Variants in RIPOR2 observed in about 807,000 individuals in gnomAD.
RIPOR2 encodes the protein rho family-interacting cell polarization regulator 2.
A neutral mutation model predicts 114.5 loss-of-function variants in RIPOR2; 39 were observed. The ratio of observed to expected loss-of-function variants is 0.34; its 90% confidence interval spans 0.26 to 0.44. The LOEUF (loss-of-function observed/expected upper bound fraction) is 0.44, where lower values mean the gene tolerates loss of function less well. Ranked by LOEUF, RIPOR2 falls within the 20% of genes least tolerant of loss-of-function variation. The pLI is 1.00. For synonymous variants in RIPOR2, 445 were observed against 484.4 expected (o/e 0.92, Z 1.07); for missense variants, 1,007 against 1,255.1 (o/e 0.80, Z 2.99).
chr6:24,863,608 G>A (rs1174887755), intron 7 of RIPOR2, among the ~76,000 whole-genome samples: 1 of 152,188 alleles, frequency 6.6e-6, no homozygotes. Flanking sequence ...AAGTAGGATG[G>A]GGGAGGGTGG....
intron 9 of RIPOR2, 82 bp from the exon 10 acceptor site, chr6:24,850,804 C>T: frequency 6.8e-7 from 1 of 1,477,636 alleles, no homozygotes; most frequent in Non-Finnish European, 9.4e-7. Context: ...AGGAGAAAGA[C>T]CTAAAGCCAC....
At chr6:24,927,114 T>TCACCACCACCA (rs1561782305) in intron 1 of RIPOR2, among the ~76,000 whole-genome samples, 8 of 4,084 alleles carry the variant, frequency 2.0e-3, no homozygotes, top group Admixed American at 5.2e-3. Flanking sequence ...ACCACCATGA[T>TCACCACCACCA]TATTATAATC....
At chr6:24,877,327 C>A in intron 1 of RIPOR2, 3 of 985,414 alleles carry the variant, frequency 3.0e-6, no homozygotes. Flanking sequence ...CAGGAGAGAG[C>A]AGCCCTGGAG....
chr6:24,962,545 T>C (rs1323476735), intron 1 of RIPOR2, among the ~76,000 whole-genome samples: 2 of 152,240 alleles, frequency 1.3e-5, no homozygotes, highest in African/African-American at 4.8e-5. Context: ...TAGTCTATCC[T>C]TGTATTTAAT....
At chr6:24,996,634 A>G (rs763536858) in intron 1 of RIPOR2, among the ~76,000 whole-genome samples, 23 of 152,200 alleles carry the variant, frequency 1.5e-4, no homozygotes, top group East Asian at 3.9e-4. Flanking sequence ...TGTACTTGAC[A>G]TTTCCAATCA....
chr6:25,036,380 CG>C (rs35611711), intron 1 of RIPOR2, among the ~76,000 whole-genome samples: 4 of 135,836 alleles, frequency 2.9e-5, no homozygotes, highest in South Asian at 4.4e-4. Context: ...CAGAGTTCAA[CG>C]GGTTTTTGTT....
intron 1 of RIPOR2, among the ~76,000 whole-genome samples, chr6:24,973,781 C>A (rs1353819308): frequency 1.3e-5 from 2 of 152,090 alleles, no homozygotes; most frequent in Non-Finnish European, 2.9e-5. Flanking sequence ...AGAATTAAAT[C>A]ATGTCCTTAG....
chr6:25,011,903 C>T (rs146651100), intron 1 of RIPOR2, among the ~76,000 whole-genome samples: 59 of 152,258 alleles, frequency 3.9e-4, no homozygotes, highest in African/African-American at 1.3e-3. Context: ...AAAATCAAAA[C>T]TTCTGTATTT....
chr6:24,984,645 G>A (rs376045969), intron 1 of RIPOR2, among the ~76,000 whole-genome samples: 7 of 20,160 alleles, frequency 3.5e-4, no homozygotes, highest in African/African-American at 1.2e-3. Context: ...GTGAGACCCC[G>A]TCTCTCAAAA....
intron 11 of RIPOR2, among the ~76,000 whole-genome samples, chr6:24,848,653 G>A (rs564676732): frequency 7.9e-5 from 12 of 152,288 alleles, no homozygotes; most frequent in African/African-American, 2.9e-4. Context: ...TCACAATGAT[G>A]CCACTTAACA....
At chr6:24,955,675 G>A (rs1457643139) in intron 1 of RIPOR2, among the ~76,000 whole-genome samples, 9 of 143,686 alleles carry the variant, frequency 6.3e-5, no homozygotes, top group African/African-American at 1.6e-4. Flanking sequence ...CTCTTACTCC[G>A]TCTAAGGTCC....
In RIPOR2 at chr6:24,809,793, A is replaced by G. The variant is rs1395642099; in HGVS notation, c.2967T>C (p.Ile989=). Residue 989 remains isoleucine, a synonymous_variant, in exon 21 of 22, where the codon ATT becomes ATC. Transcript: ENST00000643898. Reference sequence around the variant, plus strand: ...ATTGACACAATGTCACCAGCATTTTAATGCTTTCAGTAGCCTATGGGGGAA... The same window carrying G: ...ATTGACACAATGTCACCAGCATTTTGATGCTTTCAGTAGCCTATGGGGGAA... ...ALKILEATES[I]KMLVTLCQSD... 6.5e-7 allele frequency: 1 copy of G among 1,549,458 alleles called. No individual in the cohort carries two copies. Among genetic ancestry groups the G allele is most frequent in the South Asian group, 1.2e-5 (1 of 84,016 alleles).
chr6:24,841,221 A>G (rs1384893812), intron 13 of RIPOR2, among the ~76,000 whole-genome samples: 1 of 152,204 alleles, frequency 6.6e-6, no homozygotes, highest in Non-Finnish European at 1.5e-5. Flanking sequence ...TTCACTTTAG[A>G]TGGCATCAAT....
rs1776433096 is a variant in RIPOR2 at position 25,023,525 on chromosome 6, G to A, written c.76+18326C>T. The stretch of plus-strand genomic sequence containing the variant: ...ACACTCAGGGCTATGCCAGAAAGCG[G>A]TGTACACCAGCTCAGCAAATTTCAA... On this transcript the variant is annotated intron_variant, in intron 1 of 13. Transcript: ENST00000510784. The A allele has an allele frequency of 1.0e-5, 8 of 772,804 alleles. No homozygotes were observed. The South Asian group carries it at 1.1e-4, about 10-fold the overall frequency. The allele number at this position is 772,804 out of a possible 1,614,324, so 47.9% of individuals were successfully genotyped here.
chr6:24,890,201 T>A (rs1050627549), intron 1 of RIPOR2, among the ~76,000 whole-genome samples: 2 of 152,210 alleles, frequency 1.3e-5, no homozygotes, highest in Admixed American at 1.3e-4. Flanking sequence ...GGCCTGCACC[T>A]GTATGTTTAA....
intron 6 of RIPOR2, among the ~76,000 whole-genome samples, chr6:24,866,267 A>G (rs12194442): frequency 0.046 from 7,021 of 152,286 alleles, 263 homozygotes; most frequent in Non-Finnish European, 0.071. Flanking sequence ...ACACATCTAC[A>G]CTTATGCTTC....
At chr6:24,945,868 T>G (rs1772378492) in intron 1 of RIPOR2, among the ~76,000 whole-genome samples, 1 of 152,134 alleles carries the variant, frequency 6.6e-6, no homozygotes, top group South Asian at 2.1e-4. Context: ...TATTTTCTTA[T>G]GTGAACTTGG....
intron 18 of RIPOR2, among the ~76,000 whole-genome samples, chr6:24,827,575 C>T (rs1318742112): frequency 1.3e-5 from 2 of 152,214 alleles, no homozygotes; most frequent in Non-Finnish European, 2.9e-5. Context: ...GGAGTTTTCA[C>T]TTGATTTAGA....
chr6:24,876,959 T>C (rs118187883), intron 1 of RIPOR2: 1 of 985,192 alleles, frequency 1.0e-6, no homozygotes, highest in East Asian at 1.1e-4. Flanking sequence ...ACCATTGTCT[T>C]AGCAGGTGAC....
Sources: gnomAD v4.1 joint callset for allele counts (sites outside exome capture counted in the v4.1 genomes callset) on GRCh38, gnomAD v4.1.1 for gene constraint, MANE v1.5 for transcripts, NCBI Gene and HGNC (gene_info 2026-07-23, HGNC 2026-07-21) for gene names.